The following SH2D4A variants were observed in gnomAD, a reference collection of about 807,000 sequenced individuals.
The protein encoded by SH2D4A is SH2 domain containing 4A, also known as SH2 domain-containing protein 4A.
A neutral mutation model predicts 64.7 loss-of-function variants in SH2D4A; 70 were observed. The observed-to-expected ratio is 1.08, with a 90% confidence interval of 0.89 to 1.32. The LOEUF is 1.32. SH2D4A is among the 40% of genes most tolerant of loss of function. The pLI is 0.00. For synonymous variants in SH2D4A, 268 were observed against 200.7 expected (o/e 1.34, Z -2.83); for missense variants, 706 against 540.1 (o/e 1.31, Z -3.04).
intron 4 of SH2D4A, among the ~76,000 whole-genome samples, chr8:19,353,632 GCT>G (rs1474567601): frequency 2.7e-5 from 4 of 148,560 alleles, no homozygotes; most frequent in Non-Finnish European, 3.0e-5. Flanking sequence ...CTCCCAAAGT[GCT>G]GGGATTACAG....
intron 6 of SH2D4A, chr8:19,363,721 AC>A (rs2052933100): frequency 6.0e-6 from 2 of 331,846 alleles, no homozygotes; most frequent in Non-Finnish European, 1.2e-5. Context: ...ATTACTCAGC[AC>A]CCCTGCCAGC....
chr8:19,369,127 C>T (rs1030784011), intron 7 of SH2D4A, among the ~76,000 whole-genome samples: 1 of 152,032 alleles, frequency 6.6e-6, no homozygotes, highest in Non-Finnish European at 1.5e-5. Flanking sequence ...TGTGATGTGT[C>T]ATGTTCATTG....
At chr8:19,353,566 A>C (rs1267709651) in intron 4 of SH2D4A, among the ~76,000 whole-genome samples, 1 of 150,930 alleles carries the variant, frequency 6.6e-6, no homozygotes, top group Non-Finnish European at 1.5e-5. Flanking sequence ...ATGGGGTTTC[A>C]CCATGTTGGC....
chr8:19,394,663 C>G lies in SH2D4A; in HGVS notation c.*21C>G. On this transcript the variant is annotated 3_prime_UTR_variant, in exon 10 of 10. Coordinates refer to ENST00000265807, the MANE Select transcript of SH2D4A (RefSeq NM_022071.4). ...AGTGACAGCCTCCATCAGGGTCATC[C>G]TACAGCCTCCAAGCGGGCTTTCCCC... 2 of 1,575,548 alleles carry G rather than the reference C, an allele frequency of 1.3e-6. No individual in the cohort carries two copies. The highest frequency in any genetic ancestry group is 2.3e-5 in the East Asian group (1 of 43,852).
chr8:19,314,357 G>A (rs2052049265), intron 1 of SH2D4A, among the ~76,000 whole-genome samples: 1 of 152,178 alleles, frequency 6.6e-6, no homozygotes, highest in South Asian at 2.1e-4. Flanking sequence ...CACCCCCGCA[G>A]CACGTTCCCC....
intron 8 of SH2D4A, among the ~76,000 whole-genome samples, chr8:19,377,544 T>G (rs1342285617): frequency 6.6e-6 from 1 of 152,248 alleles, no homozygotes; most frequent in Non-Finnish European, 1.5e-5. Context: ...TACAGTATTG[T>G]GTTTAACATT....
intron 2 of SH2D4A, among the ~76,000 whole-genome samples, chr8:19,320,448 G>A (rs914459861): frequency 1.3e-5 from 2 of 151,866 alleles, no homozygotes; most frequent in South Asian, 4.2e-4. Flanking sequence ...AATATAGTGA[G>A]ACCTTTTCTT....
chr8:19,376,612 T>G (rs11990171), intron 8 of SH2D4A, among the ~76,000 whole-genome samples: 2,915 of 152,134 alleles, frequency 0.019, 106 homozygotes, highest in African/African-American at 0.066. Context: ...AACAGAGTGC[T>G]ACTCTGTCTC....
chr8:19,355,499 C>G (rs2052778032), intron 4 of SH2D4A, among the ~76,000 whole-genome samples: 1 of 152,184 alleles, frequency 6.6e-6, no homozygotes, highest in Admixed American at 6.5e-5. Context: ...GTGAAACCTA[C>G]AGGATTCATT....
chr8:19,373,455 T>TATATATATATATACACACACACACACCC lies in SH2D4A; in HGVS notation c.918-65_918-64insATACACACACACACACCCATATATATAT, dbSNP rs1554485279. ...ATGTATGTGTGTGTGTATATATATA[T>TATATATATATATACACACACACACACCC]ATATATATATGACTTTTGAGGGCAT... On this transcript the variant is annotated intron_variant, in intron 7 of 9. Coordinates refer to ENST00000265807, the MANE Select transcript of SH2D4A (RefSeq NM_022071.4). 20 of 962,410 alleles carry TATATATATATATACACACACACACACCC rather than the reference T, an allele frequency of 2.1e-5. No homozygotes were observed. The African/African-American group carries it at 3.5e-4, about 17-fold the overall frequency. 59.6% of individuals were successfully genotyped at this position (962,410 alleles called of 1,614,324 possible).
At chr8:19,344,468 C>T (rs760307165) in intron 4 of SH2D4A, among the ~76,000 whole-genome samples, 1 of 152,142 alleles carries the variant, frequency 6.6e-6, no homozygotes, top group African/African-American at 2.4e-5. Flanking sequence ...TTCTCTCTTA[C>T]TTCTTCTTCT....
At position 19,333,516 on chromosome 8, in the gene SH2D4A, G is replaced by A. The variant is rs77312521; in HGVS notation, c.341+402G>A. ...ACGCAGCTGAGTATCAGGAACATAT[G>A]TGAGAAATGCAGTGACTGTGCAAGC... is the stretch of plus-strand genomic sequence containing the variant. On this transcript the variant is annotated intron_variant, in intron 3 of 9. Transcript: ENST00000265807. Among the ~76,000 whole-genome samples, 957 of 152,256 alleles carry A rather than the reference G, an allele frequency of 6.3e-3. 8 individuals carry two copies. Among genetic ancestry groups the A allele is most frequent in the African/African-American group, 0.022 (905 of 41,552 alleles).
intron 2 of SH2D4A, among the ~76,000 whole-genome samples, chr8:19,323,879 C>T (rs1440372100): frequency 2.0e-5 from 3 of 152,186 alleles, no homozygotes; most frequent in African/African-American, 7.2e-5. Context: ...ATTCACTTTT[C>T]ACAGATGAGG....
chr8:19,339,084 CA>C (rs1052373673), intron 4 of SH2D4A, among the ~76,000 whole-genome samples: 1 of 152,228 alleles, frequency 6.6e-6, no homozygotes, highest in African/African-American at 2.4e-5. Flanking sequence ...GAGCCCCTGG[CA>C]AACCACTGGC....
chr8:19,366,956 T>C (rs1248483727), intron 7 of SH2D4A, among the ~76,000 whole-genome samples: 1 of 152,232 alleles, frequency 6.6e-6, no homozygotes, highest in African/African-American at 2.4e-5. Context: ...TTGTTCTCTT[T>C]AATTTTTTTG....
chr8:19,390,445 C>G (rs1479600819), intron 8 of SH2D4A, among the ~76,000 whole-genome samples: 1 of 152,156 alleles, frequency 6.6e-6, no homozygotes, highest in African/African-American at 2.4e-5. Context: ...CAAGAATTCC[C>G]TATCCCAGCA....
At chr8:19,324,742 C>A (rs1342583878) in intron 2 of SH2D4A, among the ~76,000 whole-genome samples, 1 of 152,116 alleles carries the variant, frequency 6.6e-6, no homozygotes, top group Admixed American at 6.5e-5. Context: ...GGATCATAGA[C>A]TCCTTTGAAA....
chr8:19,360,484 C>G (rs1585180609), intron 5 of SH2D4A, among the ~76,000 whole-genome samples: 1 of 152,126 alleles, frequency 6.6e-6, no homozygotes, highest in East Asian at 1.9e-4. Flanking sequence ...TGTGATGGCA[C>G]TTGCCTGTAA....
chr8:19,346,277 G>A (rs2052611378), intron 4 of SH2D4A, among the ~76,000 whole-genome samples: 1 of 152,202 alleles, frequency 6.6e-6, no homozygotes, highest in African/African-American at 2.4e-5. Context: ...CCACATGGCA[G>A]GAGGTGAGCA....
Sources: allele counts gnomAD v4.1 joint callset (sites outside exome capture counted in the v4.1 genomes callset), GRCh38; gene constraint gnomAD v4.1.1; transcripts MANE v1.5; gene names NCBI Gene and HGNC (gene_info 2026-07-23, HGNC 2026-07-21).